The following CLVS1 variants were observed in gnomAD, a reference collection of about 807,000 sequenced individuals.
The protein encoded by CLVS1 is clavesin 1.
A neutral mutation model predicts 33.1 loss-of-function variants in CLVS1; 10 were observed. That is an observed-to-expected ratio of 0.30 (90% CI 0.19 to 0.51). The LOEUF (loss-of-function observed/expected upper bound fraction) is 0.51, where lower values mean the gene tolerates loss of function less well. Ranked by LOEUF, CLVS1 falls within the 20% of genes least tolerant of loss-of-function variation. CLVS1 has a pLI of 0.97. For missense variants in CLVS1, 343 were observed against 433.4 expected (o/e 0.79, Z 1.85); for synonymous variants, 163 against 166.1 (o/e 0.98, Z 0.14).
intron 1 of CLVS1, among the ~76,000 whole-genome samples, chr8:61,289,332 C>T (rs1366641434): frequency 6.6e-6 from 1 of 152,230 alleles, no homozygotes; most frequent in African/African-American, 2.4e-5. Context: ...GAAGTTGGAA[C>T]ACCTTTCAAA....
At chr8:61,080,184 T>G (rs1804996267) in intron 1 of CLVS1, among the ~76,000 whole-genome samples, 1 of 152,182 alleles carries the variant, frequency 6.6e-6, no homozygotes, top group South Asian at 2.1e-4. Flanking sequence ...AAAACAAAAG[T>G]GGCTTAAGGT....
chr8:61,133,950 T>C (rs561579672), intron 2 of CLVS1, among the ~76,000 whole-genome samples: 1 of 152,188 alleles, frequency 6.6e-6, no homozygotes, highest in South Asian at 2.1e-4. Context: ...AGAAGGTTTT[T>C]TGTTTTTGAT....
intron 5 of CLVS1, among the ~76,000 whole-genome samples, chr8:61,473,343 A>T (rs1378121492): frequency 2.8e-4 from 4 of 14,154 alleles, no homozygotes; most frequent in East Asian, 5.3e-3. Flanking sequence ...ACGGAATTTA[A>T]AAAAAAAAAA....
intron 2 of CLVS1, among the ~76,000 whole-genome samples, chr8:61,223,219 C>G (rs1808258212): frequency 1.3e-5 from 2 of 152,094 alleles, no homozygotes; most frequent in African/African-American, 4.8e-5. Context: ...ATCCTGTCAT[C>G]AAGATGCTAT....
intron 3 of CLVS1, among the ~76,000 whole-genome samples, chr8:61,437,847 C>T (rs2129605907): frequency 6.6e-6 from 1 of 152,136 alleles, no homozygotes; most frequent in Non-Finnish European, 1.5e-5. Flanking sequence ...CTTAAAGTCC[C>T]ACATGAAGAT....
At position 61,456,942 on chromosome 8, in the gene CLVS1, AT is replaced by A. The variant is rs1236020413; in HGVS notation, c.742-1355del. ...CAAAAAAAAAAAAAAATACATATAG[AT>A]TTTTTTTTTCCCGAGTTGGAGTCTT... On this transcript the variant is annotated intron_variant, in intron 4 of 5. Transcript: ENST00000325897. Among the ~76,000 whole-genome samples the A allele has an allele frequency of 1.2e-4, 17 of 145,516 alleles. No homozygotes were observed. In the South Asian group the frequency reaches 1.3e-3, roughly 11 times the overall value.
intron 2 of CLVS1, among the ~76,000 whole-genome samples, chr8:61,145,444 G>C (rs1318372075): frequency 1.3e-5 from 2 of 152,160 alleles, no homozygotes; most frequent in African/African-American, 2.4e-5. Context: ...CTTCAAATAT[G>C]GTAGGTACAA....
At chr8:61,425,054 T>G (rs573441305) in intron 3 of CLVS1, among the ~76,000 whole-genome samples, 66 of 152,298 alleles carry the variant, frequency 4.3e-4, no homozygotes, top group Non-Finnish European at 7.5e-4. Context: ...TGAAAAGATT[T>G]GAAATCTGCA....
chr8:61,121,297 CGGTACCTCAGAT>C (rs1563410900), intron 1 of CLVS1, among the ~76,000 whole-genome samples: 1 of 152,166 alleles, frequency 6.6e-6, no homozygotes, highest in African/African-American at 2.4e-5. Flanking sequence ...GAGATGAACC[CGGTACCTCAGAT>C]GGAAATGCAG....
chr8:61,091,028 T>C (rs1805237091), intron 1 of CLVS1: 2 of 442,142 alleles, frequency 4.5e-6, no homozygotes, highest in Non-Finnish European at 8.8e-6. Context: ...CCCCAGAACC[T>C]GTGCCCGTTA....
intron 2 of CLVS1, among the ~76,000 whole-genome samples, chr8:61,323,296 C>T (rs533234460): frequency 2.8e-4 from 42 of 152,238 alleles, no homozygotes; most frequent in Non-Finnish European, 4.6e-4. Context: ...GCTTTGAGGC[C>T]GCTTGAGGTC....
intron 2 of CLVS1, among the ~76,000 whole-genome samples, chr8:61,350,125 C>A (rs891332307): frequency 3.9e-5 from 6 of 152,076 alleles, no homozygotes; most frequent in Non-Finnish European, 7.4e-5. Flanking sequence ...TTATACAACA[C>A]ATTGTACATG....
chr8:61,200,386 G>T (rs1012004331), intron 2 of CLVS1, among the ~76,000 whole-genome samples: 2 of 152,226 alleles, frequency 1.3e-5, no homozygotes, highest in Non-Finnish European at 2.9e-5. Flanking sequence ...CTCCCAGAGT[G>T]CTGGGATTAC....
At chr8:61,385,869 A>C (rs953963256) in intron 3 of CLVS1, among the ~76,000 whole-genome samples, 1 of 152,198 alleles carries the variant, frequency 6.6e-6, no homozygotes, top group African/African-American at 2.4e-5. Flanking sequence ...TCTACACCTG[A>C]ACCATAGAGA....
At chr8:61,121,810 A>G (rs1805876861) in intron 1 of CLVS1, among the ~76,000 whole-genome samples, 1 of 152,206 alleles carries the variant, frequency 6.6e-6, no homozygotes. Context: ...TATGGCTCAC[A>G]CTTGCTTAAG....
intron 1 of CLVS1, among the ~76,000 whole-genome samples, chr8:61,297,948 A>G (rs1810278513): frequency 6.6e-6 from 1 of 152,204 alleles, no homozygotes; most frequent in Admixed American, 6.5e-5. Flanking sequence ...TAGTAACAAA[A>G]ATGATATCTA....
chr8:61,259,279 G>A (rs1585729181), intron 2 of CLVS1, among the ~76,000 whole-genome samples: 1 of 152,112 alleles, frequency 6.6e-6, no homozygotes, highest in African/African-American at 2.4e-5. Context: ...GGTGATAGGG[G>A]TTTCCTCCTA....
intron 2 of CLVS1, among the ~76,000 whole-genome samples, chr8:61,282,154 T>C (rs974235496): frequency 6.6e-6 from 1 of 152,190 alleles, no homozygotes; most frequent in African/African-American, 2.4e-5. Flanking sequence ...CACCTGATAA[T>C]GACTAAATAA....
intron 5 of CLVS1, among the ~76,000 whole-genome samples, chr8:61,475,649 T>A (rs1817897282): frequency 6.6e-6 from 1 of 152,228 alleles, no homozygotes; most frequent in South Asian, 2.1e-4. Context: ...GGTTGTTTGT[T>A]TTTTTCTTGT....
Sources: gnomAD v4.1 joint callset for allele counts (sites outside exome capture counted in the v4.1 genomes callset) on GRCh38, gnomAD v4.1.1 for gene constraint, MANE v1.5 for transcripts, NCBI Gene and HGNC (gene_info 2026-07-23, HGNC 2026-07-21) for gene names.